LONRF1: variants seen among roughly 807,000 people sequenced by gnomAD.
The protein encoded by LONRF1 is LON peptidase N-terminal domain and RING finger protein 1.
Under a neutral mutation model 85.8 loss-of-function variants are expected in LONRF1, and 37 were observed. The ratio of observed to expected loss-of-function variants is 0.43; its 90% confidence interval spans 0.33 to 0.57. LONRF1 has a LOEUF of 0.57. Among genes scored for constraint, LONRF1 ranks in the 20% least tolerant of loss-of-function variants. The pLI is 0.04. For synonymous variants in LONRF1, 517 were observed against 390.1 expected (o/e 1.33, Z -3.83); for missense variants, 1,036 against 978.0 (o/e 1.06, Z -0.79).
chr8:12,723,890 G>A (rs192232253), intron 11 of LONRF1, among the ~76,000 whole-genome samples: 331 of 152,316 alleles, frequency 2.2e-3, no homozygotes, highest in Non-Finnish European at 3.7e-3. Context: ...CATATCTCCA[G>A]TGAAAAGGTC....
intron 7 of LONRF1, among the ~76,000 whole-genome samples, chr8:12,732,723 G>T (rs1312561691): frequency 1.3e-5 from 2 of 152,090 alleles, no homozygotes; most frequent in Admixed American, 6.5e-5. Context: ...AGTAGGCATT[G>T]TAGCGTGTAG....
chr8:12,725,923 G>A (rs375474383), intron 10 of LONRF1, 44 bp from the exon 11 acceptor site: 97 of 1,566,118 alleles, frequency 6.2e-5, no homozygotes, highest in East Asian at 1.6e-4. Context: ...CTAATCCCCC[G>A]TCCATATGCC....
At chr8:12,743,904 A>C (rs1799040828) in intron 1 of LONRF1, among the ~76,000 whole-genome samples, 1 of 152,144 alleles carries the variant, frequency 6.6e-6, no homozygotes, top group Non-Finnish European at 1.5e-5. Flanking sequence ...CCTGAGAAAA[A>C]ACGCTTTGTG....
chr8:12,723,269 C>A lies in LONRF1; in HGVS notation c.2164-15G>T, dbSNP rs550496988. ...TTAGGGGCTGCCTAAAAACAATGGACAGTTTATAGCATTAATAAAACAAGG... is the reference window on the plus strand; with the variant it reads ...TTAGGGGCTGCCTAAAAACAATGGAAAGTTTATAGCATTAATAAAACAAGG... On this transcript the variant is annotated splice_polypyrimidine_tract_variant and intron_variant, in intron 11 of 11. Transcript: ENST00000398246. The A allele has an allele frequency of 9.5e-5, 150 of 1,579,526 alleles. No individual in the cohort carries two copies. The highest frequency in any genetic ancestry group is 1.3e-4 in the Non-Finnish European group (148 of 1,168,338).
At chr8:12,754,532 G>A (rs904047880) in intron 1 of LONRF1, among the ~76,000 whole-genome samples, 168 bp downstream of exon 1, 1 of 151,832 alleles carries the variant, frequency 6.6e-6, no homozygotes, top group Admixed American at 6.6e-5. Context: ...ACCCCGGGGC[G>A]CCGCCCCCTC....
At position 12,740,931 on chromosome 8, in the gene LONRF1, A is replaced by G; in HGVS notation, c.906T>C (p.Phe302=). 1 of 1,613,670 alleles carries G rather than the reference A, an allele frequency of 6.2e-7. No individual in the cohort carries two copies. Among genetic ancestry groups the G allele is most frequent in the Non-Finnish European group, 8.5e-7 (1 of 1,179,676 alleles). The change falls in exon 3 of 12, where the codon TTT becomes TTC. Residue 302 remains phenylalanine (F), a synonymous_variant. Transcript: ENST00000398246. ...CTTCATCAAGGGCTAAGCACTGAAG[A>G]AAGAGTTGTAAGGCATCACCTAAAA... is the stretch of plus-strand genomic sequence containing the variant. ...AGFLGDALQL[F]LQCLALDEDF... is the part of the protein sequence containing the mutation.
At chr8:12,726,576 A>G (rs970332835) in intron 10 of LONRF1, among the ~76,000 whole-genome samples, 1 of 152,242 alleles carries the variant, frequency 6.6e-6, no homozygotes, top group Non-Finnish European at 1.5e-5. Flanking sequence ...AGCCTGAGAT[A>G]GAAGAGTAGT....
intron 1 of LONRF1, among the ~76,000 whole-genome samples, chr8:12,743,764 C>G (rs1799034471): frequency 6.6e-6 from 1 of 152,112 alleles, no homozygotes; most frequent in Non-Finnish European, 1.5e-5. Context: ...ATCTTATGAG[C>G]ATACACAGTA....
At position 12,755,296 on chromosome 8, in the gene LONRF1, G is replaced by T; in HGVS notation, c.125C>A (p.Ala42Asp). The change falls in exon 1 of 12, where the codon GCC (alanine) becomes GAC (aspartate). Residue 42 changes from alanine (A) to aspartate (D), a missense_variant. Physicochemically the swap from Ala to Asp is moderately radical, Grantham distance 126. Coordinates refer to ENST00000398246, the MANE Select transcript of LONRF1 (RefSeq NM_152271.5). ...CAGCTCCCAGCGCTCCGACTCCGCG[G>T]CCGCGCGCTCCAGCCGATGGCCGCT... ...GGSGHRLERA[A>D]AESERWELLL... 4.8e-6 allele frequency: 6 copies of T among 1,248,614 alleles called. No individual in the cohort carries two copies. The highest frequency in any genetic ancestry group is 2.7e-5 in the South Asian group (1 of 37,094). The allele number at this position is 1,248,614 out of a possible 1,614,324, so 77.3% of individuals were successfully genotyped here.
chr8:12,728,828 T>C (rs1448880619), intron 10 of LONRF1, 73 bp downstream of exon 10: 23 of 1,539,212 alleles, frequency 1.5e-5, no homozygotes, highest in Middle Eastern at 1.7e-4. Flanking sequence ...ACCTAGAAAA[T>C]AGCCTGCATG....
chr8:12,730,422 C>G (rs1444462357), intron 8 of LONRF1, among the ~76,000 whole-genome samples: 1 of 151,898 alleles, frequency 6.6e-6, no homozygotes, highest in Non-Finnish European at 1.5e-5. Flanking sequence ...GAGTTTTTTT[C>G]AAAATGACCA....
In LONRF1 at chr8:12,723,062, T is replaced by A; in HGVS notation, c.*34A>T. On this transcript the variant is annotated 3_prime_UTR_variant, in exon 12 of 12. Coordinates refer to ENST00000398246, the MANE Select transcript of LONRF1 (RefSeq NM_152271.5). ...AATCTGGCCATCAATGCAGCCAGATTAGGGTCACTTTAAAGGGAGATCCAA... is the reference window on the plus strand; with the variant it reads ...AATCTGGCCATCAATGCAGCCAGATAAGGGTCACTTTAAAGGGAGATCCAA... The A allele has an allele frequency of 6.4e-7, 1 of 1,561,116 alleles. No individual in the cohort carries two copies. Among genetic ancestry groups the A allele is most frequent in the Non-Finnish European group, 8.7e-7 (1 of 1,151,044 alleles).
chr8:12,728,735 T>G (rs1031369327), intron 10 of LONRF1, among the ~76,000 whole-genome samples, 166 bp downstream of exon 10: 1 of 152,206 alleles, frequency 6.6e-6, no homozygotes, highest in South Asian at 2.1e-4. Context: ...TGTGCAACAG[T>G]TTCAGAGCAA....
Position 12,725,771 on chromosome 8 carries a change from G to A in LONRF1, c.2119C>T (p.Leu707Phe). The A allele has an allele frequency of 6.2e-7, 1 of 1,613,730 alleles. No individual in the cohort carries two copies. The highest frequency in any genetic ancestry group is 8.5e-7 in the Non-Finnish European group (1 of 1,179,692). Residue 707 changes from leucine (L) to phenylalanine (F), a missense_variant, in exon 11 of 12, where the codon CTT (leucine) becomes TTT (phenylalanine). By Grantham distance (22) the Leu-to-Phe change is conservative. This residue lies in a region of LONRF1 where 265 missense variants were observed against 301.5 expected (regional missense o/e 0.88). Coordinates refer to ENST00000398246, the MANE Select transcript of LONRF1 (RefSeq NM_152271.5). ...TCGGGCATTGATCCGAAATGCTGAA[G>A]AATTTGGCTTCGAAATCTGTCTCTT... The part of the protein sequence containing the change: ...NLRDRFRSQI[L>F]QHFGSMPERE...
chr8:12,725,673 C>A (rs1010545347), intron 11 of LONRF1, 54 bp downstream of exon 11: 3 of 1,556,026 alleles, frequency 1.9e-6, no homozygotes, highest in Admixed American at 3.7e-5. Context: ...TAGAAGTGTG[C>A]AAATTTGGGT....
In LONRF1 at chr8:12,754,930, G is replaced by A; in HGVS notation, c.491C>T (p.Pro164Leu). Residue 164 changes from proline (P) to leucine (L), a missense_variant, in exon 1 of 12, where the codon CCC (proline) becomes CTC (leucine). Transcript: ENST00000398246. The part of the protein sequence containing the change: ...RCRLCRDRLP[P>L]ATASATDAEG... Reference sequence around the variant, plus strand: ...AGCATCAGTGGCACTGGCGGTGGCGGGCGGCAGCCGGTCCCGGCAGAGGCG... The same window carrying A: ...AGCATCAGTGGCACTGGCGGTGGCGAGCGGCAGCCGGTCCCGGCAGAGGCG... The A allele has an allele frequency of 6.7e-7, 1 of 1,489,756 alleles. No homozygotes were observed. The highest frequency in any genetic ancestry group is 8.9e-7 in the Non-Finnish European group (1 of 1,124,272). 92.3% of individuals were successfully genotyped at this position (1,489,756 alleles called of 1,614,324 possible).
At chr8:12,753,371 T>C (rs755656328) in intron 1 of LONRF1, 1 of 152,244 alleles carries the variant, frequency 6.6e-6, no homozygotes, top group Non-Finnish European at 1.5e-5. Context: ...GTTGCTATTC[T>C]AGATGTCTGT....
chr8:12,728,175 T>G (rs2117233198), intron 10 of LONRF1, among the ~76,000 whole-genome samples: 1 of 152,290 alleles, frequency 6.6e-6, no homozygotes, highest in Non-Finnish European at 1.5e-5. Context: ...GAAATTGCCT[T>G]CAATTTGGTA....
rs1433581476 is a variant in LONRF1, at chr8:12,736,723, A to C, written c.1429T>G (p.Phe477Val). Residue 477 changes from phenylalanine to valine, a missense_variant, in exon 6 of 12, where the codon TTC becomes GTC. Phe to Val is a conservative substitution (Grantham distance 50). This residue lies in a region of LONRF1 where 29 missense variants were observed against 62.1 expected (regional missense o/e 0.47). Transcript: ENST00000398246. ...IPEELIDVSD[F>V]ECSLCMRLFF... ...TACCTCATGCAGAGAGAACACTCGA[A>C]ATCTGAGACATCGATTAATTCTTCT... 1 of 1,610,760 alleles carries C rather than the reference A, an allele frequency of 6.2e-7. No homozygotes were observed. The highest frequency in any genetic ancestry group is 8.5e-7 in the Non-Finnish European group (1 of 1,178,380).
Sources: gnomAD v4.1 joint callset for allele counts (sites outside exome capture counted in the v4.1 genomes callset) on GRCh38, gnomAD v4.1.1 for gene constraint, gnomAD v4.1.1 regional missense constraint, MANE v1.5 for transcripts, NCBI Gene and HGNC (gene_info 2026-07-23, HGNC 2026-07-21) for gene names.